Variants in CAMSAP2 observed in about 807,000 individuals in gnomAD.
The protein encoded by CAMSAP2 is calmodulin regulated spectrin associated protein family member 2.
Under a neutral mutation model 146.1 loss-of-function variants are expected in CAMSAP2, and 26 were observed. That is an observed-to-expected ratio of 0.18 (90% CI 0.13 to 0.25). CAMSAP2 has a LOEUF of 0.25. CAMSAP2 is among the 10% of genes least tolerant of loss of function. The pLI is 1.00. For missense variants in CAMSAP2, 1,381 were observed against 1,759.3 expected, an observed-to-expected ratio of 0.78 and a Z score of 3.85; for synonymous variants, 499 against 596.6, an observed-to-expected ratio of 0.84 and a Z score of 2.38.
chr1:200,855,985 A>G lies in CAMSAP2; in HGVS notation c.3897-25A>G, dbSNP rs371317365. ...CCCATTTTTTCTCTGTTTGAGACAT[A>G]AAACATATTTTATTTTCTAATTAGA... On this transcript the variant is annotated intron_variant, in intron 14 of 16. Coordinates refer to ENST00000358823, the MANE Select transcript of CAMSAP2 (RefSeq NM_203459.4). 25 of 1,511,664 alleles carry G rather than the reference A, an allele frequency of 1.7e-5. No individual in the cohort carries two copies. The African/African-American group carries it at 3.3e-4, about 20-fold the overall frequency. 93.6% of individuals were successfully genotyped at this position (1,511,664 alleles called of 1,614,324 possible). A position where few individuals can be genotyped will look rare whatever the true frequency, so the allele number is the denominator to read the frequency against.
Position 200,857,637 on chromosome 1 carries a change from T to C in CAMSAP2, c.4132-117T>C. 1.0e-6 allele frequency: 1 copy of C among 1,002,038 alleles called. No homozygotes were observed. 62.1% of individuals were successfully genotyped at this position (1,002,038 alleles called of 1,614,324 possible). On this transcript the variant is annotated intron_variant, in intron 16 of 16. Transcript: ENST00000358823. This position sits in a 1 kb window ranked among gnomAD's most constrained non-coding sequence, Gnocchi z 4.7. ...TAGCAATAGGCTTTAAGATTTGTCA[T>C]TGAAATAATGTTATAAAATGTGACT... is the stretch of plus-strand genomic sequence containing the variant.
In CAMSAP2 at chr1:200,808,577, A is replaced by G. The variant is rs140469553; in HGVS notation, c.561+1040A>G. Among the ~76,000 whole-genome samples, 591 of 152,266 alleles carry G rather than the reference A, an allele frequency of 3.9e-3. 4 individuals are homozygous for G. The highest frequency in any genetic ancestry group is 0.014 in the African/African-American group (564 of 41,558). ...GGACTGCTTAATACTTTGCCTCTGG[A>G]GTTCCTTTATTTCTTCATCTTTAGT... On this transcript the variant is annotated intron_variant, in intron 3 of 16. Transcript: ENST00000358823.
In CAMSAP2 at chr1:200,825,802, G is replaced by A. The variant is rs577611166; in HGVS notation, c.646-6398G>A. 2.5e-4 allele frequency among the ~76,000 whole-genome samples: 38 copies of A among 152,122 alleles called. 1 individual carries two copies. Among genetic ancestry groups the A allele is most frequent in the Admixed American group, 1.4e-3 (21 of 15,274 alleles). Reference sequence around the variant, plus strand: ...ATTACAGGTGTGAGCTACTGTGCCCGGCCAATCATTATTTCTTAAAGCAGC... The same window carrying A: ...ATTACAGGTGTGAGCTACTGTGCCCAGCCAATCATTATTTCTTAAAGCAGC... On this transcript the variant is annotated intron_variant, in intron 4 of 16. Coordinates refer to ENST00000358823, the MANE Select transcript of CAMSAP2 (RefSeq NM_203459.4).
At chr1:200,817,251 T>TGA (rs1302863629) in intron 4 of CAMSAP2, among the ~76,000 whole-genome samples, 2 of 10,660 alleles carry the variant, frequency 1.9e-4, no homozygotes, top group Non-Finnish European at 3.3e-4. Context: ...TACACACATA[T>TGA]GTGTGTGTAT....
Position 200,849,560 on chromosome 1 carries a change from C to T in CAMSAP2, c.2791C>T (p.Arg931Ter). 1 of 1,614,146 alleles carries T rather than the reference C, an allele frequency of 6.2e-7. No individual in the cohort carries two copies. Among genetic ancestry groups the T allele is most frequent in the Non-Finnish European group, 8.5e-7 (1 of 1,180,014 alleles). The change falls in exon 11 of 17, where the codon CGA (arginine) becomes TGA (stop). Residue 931 changes from arginine to a stop codon, truncating the protein, a stop_gained. Transcript: ENST00000358823. LOFTEE classifies it high-confidence loss of function. The surrounding 1 kb of genome is among the most constrained non-coding windows in gnomAD (Gnocchi z 6.3). ...PPQPSPQKQI[R>*]DFKPSKQAGL... ...ACAACCCTCTCCACAGAAACAGATT[C>T]GAGATTTTAAGCCTTCTAAGCAGGC...
At chr1:200,814,581 G>A (rs1228783146) in intron 3 of CAMSAP2, among the ~76,000 whole-genome samples, 1 of 122,356 alleles carries the variant, frequency 8.2e-6, no homozygotes, top group African/African-American at 3.2e-5. Context: ...CTGCACTCCA[G>A]CCTGGGCGAC....
rs55982737 is a variant in CAMSAP2, at chr1:200,790,346, C to T, written c.400-17030C>T. Among the ~76,000 whole-genome samples, 458 of 152,086 alleles carry T rather than the reference C, an allele frequency of 3.0e-3. 3 individuals are homozygous for T. Among genetic ancestry groups the T allele is most frequent in the Non-Finnish European group, 4.8e-3 (328 of 67,966 alleles). On this transcript the variant is annotated intron_variant, in intron 2 of 16. Transcript: ENST00000358823. ...CCTCCCACTGGAACCATGGGGGCAGCGGGGCTGGGGGGAAGGGTTGGGGAC... is the reference window on the plus strand; with the variant it reads ...CCTCCCACTGGAACCATGGGGGCAGTGGGGCTGGGGGGAAGGGTTGGGGAC...
chr1:200,814,776 T>A (rs1666437763), intron 3 of CAMSAP2, among the ~76,000 whole-genome samples: 1 of 152,042 alleles, frequency 6.6e-6, no homozygotes, highest in South Asian at 2.1e-4. Flanking sequence ...AAAAGGGAAT[T>A]CTTAGGTGCC....
rs1291992686 is a variant in CAMSAP2 at position 200,853,235 on chromosome 1, T to C, written c.3603-40T>C. ...AACTCTCTCCTGTATGGTTTGTCTT[T>C]GGTATGCAGAATAAGAACTGTAACC... On this transcript the variant is annotated intron_variant, in intron 12 of 16. Transcript: ENST00000358823. This position sits in a 1 kb window ranked among gnomAD's most constrained non-coding sequence, Gnocchi z 5.1. 1 of 1,549,006 alleles carries C rather than the reference T, an allele frequency of 6.5e-7. No homozygotes were observed. The highest frequency in any genetic ancestry group is 1.7e-5 in the Admixed American group (1 of 58,600).
At chr1:200,777,639 G>A (rs956799853) in intron 2 of CAMSAP2, among the ~76,000 whole-genome samples, 1 of 152,070 alleles carries the variant, frequency 6.6e-6, no homozygotes, top group Admixed American at 6.6e-5. Flanking sequence ...TGGAGCCAAA[G>A]TGAAATTCTT....
At chr1:200,740,309 T>G (rs969773592) in intron 1 of CAMSAP2, among the ~76,000 whole-genome samples, 1 of 151,998 alleles carries the variant, frequency 6.6e-6, no homozygotes, top group African/African-American at 2.4e-5. Context: ...GCCTCAGTCA[T>G]AATTGTGATT....
intron 2 of CAMSAP2, among the ~76,000 whole-genome samples, chr1:200,776,982 CA>C (rs1275422907): frequency 1.3e-5 from 2 of 152,080 alleles, no homozygotes; most frequent in Non-Finnish European, 2.9e-5. Flanking sequence ...GGAAAATCTT[CA>C]AAGGAGAGAG....
intron 2 of CAMSAP2, among the ~76,000 whole-genome samples, chr1:200,782,563 G>A (rs924889090): frequency 2.0e-5 from 3 of 151,854 alleles, no homozygotes; most frequent in Non-Finnish European, 2.9e-5. Context: ...CAAACTGCAC[G>A]AACTCTTTTT....
chr1:200,753,570 A>G (rs1175667682), intron 1 of CAMSAP2, among the ~76,000 whole-genome samples: 1 of 152,130 alleles, frequency 6.6e-6, no homozygotes, highest in Non-Finnish European at 1.5e-5. Flanking sequence ...GCTGGTATTG[A>G]TAGGAATACC....
At chr1:200,841,101 T>C (rs1667312070) in intron 6 of CAMSAP2, among the ~76,000 whole-genome samples, 1 of 152,248 alleles carries the variant, frequency 6.6e-6, no homozygotes, top group Admixed American at 6.5e-5. Context: ...GACTTATTGA[T>C]AACTTTTCAA....
intron 2 of CAMSAP2, among the ~76,000 whole-genome samples, chr1:200,805,446 A>G (rs376960631): frequency 1.3e-5 from 2 of 152,352 alleles, no homozygotes; most frequent in East Asian, 1.9e-4. Context: ...ACAACTGTCT[A>G]TCTAGAGAAA....
At chr1:200,801,293 A>G (rs1470195307) in intron 2 of CAMSAP2, among the ~76,000 whole-genome samples, 3 of 151,752 alleles carry the variant, frequency 2.0e-5, no homozygotes, top group Non-Finnish European at 2.9e-5. Context: ...AATGTTGAAT[A>G]TTGGCCCCCA....
At chr1:200,802,499 T>C (rs975182561) in intron 2 of CAMSAP2, among the ~76,000 whole-genome samples, 6 of 152,236 alleles carry the variant, frequency 3.9e-5, no homozygotes, top group African/African-American at 1.4e-4. Context: ...TGGAATAACT[T>C]TGAAAAACTA....
In CAMSAP2 at chr1:200,739,398, A is replaced by C. The variant is rs985318716; in HGVS notation, c.-430A>C. Among the ~76,000 whole-genome samples the C allele has an allele frequency of 1.9e-4, 29 of 152,074 alleles. No individual in the cohort carries two copies. Among genetic ancestry groups the C allele is most frequent in the African/African-American group, 7.0e-4 (29 of 41,504 alleles). On this transcript the variant is annotated 5_prime_UTR_variant, in exon 1 of 17. Transcript: ENST00000358823. This position sits in a 1 kb window ranked among gnomAD's most constrained non-coding sequence, Gnocchi z 4.8. The stretch of plus-strand genomic sequence containing the variant: ...CGCGATGGCGGGGACATTTTCCACA[A>C]CGTGATTGTTGAAGGCTCCCCCCAT...
Sources: allele counts gnomAD v4.1 joint callset (sites outside exome capture counted in the v4.1 genomes callset), GRCh38; gene constraint gnomAD v4.1.1; non-coding constraint Gnocchi (gnomAD v3.1); transcripts MANE v1.5; gene names NCBI Gene and HGNC (gene_info 2026-07-23, HGNC 2026-07-21).